The following CHRNG variants were observed in gnomAD, a reference collection of about 807,000 sequenced individuals.
CHRNG encodes the protein cholinergic receptor nicotinic gamma subunit, also known as acetylcholine receptor subunit gamma.
Under a neutral mutation model 65.2 loss-of-function variants are expected in CHRNG, and 72 were observed. The observed-to-expected ratio is 1.10, with a 90% confidence interval of 0.91 to 1.34. CHRNG has a LOEUF of 1.34. CHRNG is among the 40% of genes most tolerant of loss of function. The probability of loss-of-function intolerance (pLI) is 0.00; values close to 1 mark genes in which losing one functional copy is unlikely to be tolerated. For missense variants in CHRNG, 637 were observed against 680.1 expected, an observed-to-expected ratio of 0.94 and a Z score of 0.70; for synonymous variants, 284 against 290.2, an observed-to-expected ratio of 0.98 and a Z score of 0.22.
rs1692093364 is a variant in CHRNG, at chr2:232,544,794, G to A, written c.1272G>A (p.Leu424=). 1 of 1,614,052 alleles carries A rather than the reference G, an allele frequency of 6.2e-7. No homozygotes were observed. Among genetic ancestry groups the A allele is most frequent in the Non-Finnish European group, 8.5e-7 (1 of 1,180,016 alleles). Residue 424 remains leucine, a synonymous_variant, in exon 11 of 12, where the codon CTG becomes CTA. Transcript: ENST00000651502. ...CAGAGAAAGGCCCGGAGTTAGGGCT[G>A]AGCCAGTTCTGTGGCAGCCTGAAGC... ...EKLEKGPELG[L]SQFCGSLKQA...
At position 232,540,595 on chromosome 2, in the gene CHRNG, C is replaced by T. The variant is rs780671690; in HGVS notation, c.241-7C>T. On this transcript the variant is annotated splice_polypyrimidine_tract_variant and splice_region_variant and intron_variant, in intron 3 of 11. Coordinates refer to ENST00000651502, the MANE Select transcript of CHRNG (RefSeq NM_005199.5). This position sits in a 1 kb window ranked among gnomAD's most constrained non-coding sequence, Gnocchi z 4.2. Reference sequence around the variant, plus strand: ...CAGAGGCCTAGCAACTGCCCCTCCCCCTGCAGCAGTGGTGCGACTATCGCC... The same window carrying T: ...CAGAGGCCTAGCAACTGCCCCTCCCTCTGCAGCAGTGGTGCGACTATCGCC... 1 of 1,610,540 alleles carries T rather than the reference C, an allele frequency of 6.2e-7. No homozygotes were observed. The highest frequency in any genetic ancestry group is 2.2e-5 in the East Asian group (1 of 44,796).
rs141979512 is a variant in CHRNG at position 232,540,364 on chromosome 2, C to G, written c.196-17C>G. The G allele has an allele frequency of 1.4e-5, 23 of 1,613,930 alleles. No individual in the cohort carries two copies. Among genetic ancestry groups the G allele is most frequent in the Non-Finnish European group, 1.9e-5 (23 of 1,179,966 alleles). ...GTCGGGGGCTGAGCCCTCCATACTA[C>G]ACCCTTGCACCCCCAGAACGAGCGA... On this transcript the variant is annotated splice_polypyrimidine_tract_variant and intron_variant, in intron 2 of 11. Transcript: ENST00000651502. This position sits in a 1 kb window ranked among gnomAD's most constrained non-coding sequence, Gnocchi z 4.2.
At chr2:232,543,487 C>A (rs1185913697) in intron 8 of CHRNG, 98 bp downstream of exon 8, 1 of 1,182,138 alleles carries the variant, frequency 8.5e-7, no homozygotes, top group Non-Finnish European at 1.2e-6. Flanking sequence ...TCCACCCCCC[C>A]CATCCTCAAT....
Position 232,541,924 on chromosome 2 carries a change from G to A in CHRNG, c.506+395G>A, listed in dbSNP as rs541764047. On this transcript the variant is annotated intron_variant, in intron 5 of 11. Coordinates refer to ENST00000651502, the MANE Select transcript of CHRNG (RefSeq NM_005199.5). The surrounding 1 kb of genome is among the most constrained non-coding windows in gnomAD (Gnocchi z 4.0). ...GAGGGGCCCTGGCAGGGAATCCAGC[G>A]GAAGCATGTATGCAACCAAGCCACC... is the stretch of plus-strand genomic sequence containing the variant. The A allele has an allele frequency of 2.9e-5, 10 of 345,570 alleles. No individual in the cohort carries two copies. In the East Asian group the frequency reaches 3.5e-4, roughly 12 times the overall value. 21.4% of individuals were successfully genotyped at this position (345,570 alleles called of 1,614,324 possible). A position where few individuals can be genotyped will look rare whatever the true frequency, so the allele number is the denominator to read the frequency against.
At chr2:232,542,270 A>C (rs1174879540) in intron 5 of CHRNG, among the ~76,000 whole-genome samples, 153 bp from the exon 6 acceptor site, 1 of 152,074 alleles carries the variant, frequency 6.6e-6, no homozygotes. Flanking sequence ...TGCTCTCCAT[A>C]TCTCGCCAGT....
rs556428042 is a variant in CHRNG at position 232,541,723 on chromosome 2, G to A, written c.506+194G>A. On this transcript the variant is annotated intron_variant, in intron 5 of 11. Coordinates refer to ENST00000651502, the MANE Select transcript of CHRNG (RefSeq NM_005199.5). This position sits in a 1 kb window ranked among gnomAD's most constrained non-coding sequence, Gnocchi z 4.0. ...TGCCCAAGCTCTCCCTGCTAAGCCC[G>A]AGTCCCCTCACTCATCCTTTACTGC... is the stretch of plus-strand genomic sequence containing the variant. The A allele has an allele frequency of 5.1e-5, 33 of 650,026 alleles. No individual in the cohort carries two copies. The Admixed American group carries it at 5.7e-4, about 11-fold the overall frequency. The allele number at this position is 650,026 out of a possible 1,614,324, so 40.3% of individuals were successfully genotyped here. A position where few individuals can be genotyped will look rare whatever the true frequency, so the allele number is the denominator to read the frequency against.
In CHRNG at chr2:232,541,639, A is replaced by T; in HGVS notation, c.506+110A>T. On this transcript the variant is annotated intron_variant, in intron 5 of 11. Coordinates refer to ENST00000651502, the MANE Select transcript of CHRNG (RefSeq NM_005199.5). This position sits in a 1 kb window ranked among gnomAD's most constrained non-coding sequence, Gnocchi z 4.0. ...TGGCCTTGGCTCTGGCAGCACCTAG[A>T]GGCCTGGCTCCATCTCCCCTGGGCC... 1 of 1,355,330 alleles carries T rather than the reference A, an allele frequency of 7.4e-7. No homozygotes were observed. Among genetic ancestry groups the T allele is most frequent in the Non-Finnish European group, 1.0e-6 (1 of 959,646 alleles). The allele number at this position is 1,355,330 out of a possible 1,614,324, so 84.0% of individuals were successfully genotyped here.
In CHRNG at chr2:232,540,763, G is replaced by A; in HGVS notation, c.350+52G>A. ...TGGGGGACAAAGGACACAGGGTCTG[G>A]GCCCAGCAGAACAAGGCACTCTGGG... is the stretch of plus-strand genomic sequence containing the variant. On this transcript the variant is annotated intron_variant, in intron 4 of 11. Coordinates refer to ENST00000651502, the MANE Select transcript of CHRNG (RefSeq NM_005199.5). This position sits in a 1 kb window ranked among gnomAD's most constrained non-coding sequence, Gnocchi z 4.2. The A allele has an allele frequency of 2.0e-6, 3 of 1,507,098 alleles. No homozygotes were observed. The highest frequency in any genetic ancestry group is 2.7e-6 in the Non-Finnish European group (3 of 1,099,980). The allele number at this position is 1,507,098 out of a possible 1,614,324, so 93.4% of individuals were successfully genotyped here. A position where few individuals can be genotyped will look rare whatever the true frequency, so the allele number is the denominator to read the frequency against.
Position 232,546,682 on chromosome 2 carries a change from G to A in CHRNG, c.*966G>A, listed in dbSNP as rs1301474619. Among the ~76,000 whole-genome samples, 2 of 151,994 alleles carry A rather than the reference G, an allele frequency of 1.3e-5. No individual in the cohort carries two copies. Among genetic ancestry groups the A allele is most frequent in the Non-Finnish European group, 2.9e-5 (2 of 68,016 alleles). ...CTCACAGCAGTATGGATAAGCAAGAGTCATTATTCCCCATGTTATATAGGC... is the reference window on the plus strand; with the variant it reads ...CTCACAGCAGTATGGATAAGCAAGAATCATTATTCCCCATGTTATATAGGC... On this transcript the variant is annotated 3_prime_UTR_variant, in exon 12 of 12. Coordinates refer to ENST00000651502, the MANE Select transcript of CHRNG (RefSeq NM_005199.5).
chr2:232,539,982 T>C lies in CHRNG; in HGVS notation c.56-10T>C, dbSNP rs1314135941. 1 of 1,614,100 alleles carries C rather than the reference T, an allele frequency of 6.2e-7. No homozygotes were observed. Among genetic ancestry groups the C allele is most frequent in the Non-Finnish European group, 8.5e-7 (1 of 1,180,000 alleles). On this transcript the variant is annotated splice_polypyrimidine_tract_variant and intron_variant, in intron 1 of 11. Transcript: ENST00000651502. ...CAAGCTCCTGCTAGGCTCACGCCTG[T>C]CTATTGCAGGGGCCCAGGGCCGGAA...
rs562944344 is a variant in CHRNG, at chr2:232,540,899, G to C, written c.350+188G>C. Among the ~76,000 whole-genome samples the C allele has an allele frequency of 5.8e-4, 89 of 152,146 alleles. 1 individual carries two copies. Among genetic ancestry groups the C allele is most frequent in the African/African-American group, 2.0e-3 (83 of 41,508 alleles). On this transcript the variant is annotated intron_variant, in intron 4 of 11. Coordinates refer to ENST00000651502, the MANE Select transcript of CHRNG (RefSeq NM_005199.5). This position sits in a 1 kb window ranked among gnomAD's most constrained non-coding sequence, Gnocchi z 4.2. The stretch of plus-strand genomic sequence containing the variant: ...CCTGGGTATGCCCTCTGACCCCAGG[G>C]CCAGCAGAGCAGACCCTACGCCAGG...
rs1307823116 is a variant in CHRNG at position 232,540,334 on chromosome 2, C to T, written c.196-47C>T. ...CATTGGTGGCCTGTGGGGACTGGCA[C>T]TGAAGTCGGGGGCTGAGCCCTCCAT... On this transcript the variant is annotated intron_variant, in intron 2 of 11. Transcript: ENST00000651502. This position sits in a 1 kb window ranked among gnomAD's most constrained non-coding sequence, Gnocchi z 4.2. 15 of 1,613,342 alleles carry T rather than the reference C, an allele frequency of 9.3e-6. No individual in the cohort carries two copies. The highest frequency in any genetic ancestry group is 1.3e-5 in the Non-Finnish European group (15 of 1,179,462).
Position 232,545,585 on chromosome 2 carries a change from G to T in CHRNG, c.1423G>T (p.Val475Phe). 1 of 1,614,084 alleles carries T rather than the reference G, an allele frequency of 6.2e-7. No homozygotes were observed. ...WFLVGRVLDR[V>F]CFLAMLSLFI... is the part of the protein sequence containing the mutation. ...CCTGGTGGGCCGAGTGCTGGACCGC[G>T]TCTGCTTCCTGGCCATGCTCTCGCT... The change falls in exon 12 of 12, where the codon GTC becomes TTC. Residue 475 changes from valine to phenylalanine, a missense_variant. Physicochemically the swap from Val to Phe is conservative, Grantham distance 50. Transcript: ENST00000651502.
chr2:232,543,812 C>A (rs866314593), intron 9 of CHRNG, 113 bp downstream of exon 9: 3 of 728,424 alleles, frequency 4.1e-6, no homozygotes, highest in Admixed American at 4.0e-5. Flanking sequence ...CCATCCTGGG[C>A]GTATCTGGAC....
Position 232,545,923 on chromosome 2 carries a change from T to C in CHRNG, c.*207T>C, listed in dbSNP as rs147814126. The C allele has an allele frequency of 5.9e-4, 388 of 660,884 alleles. 3 individuals are homozygous for C. The highest frequency in any genetic ancestry group is 4.4e-3 in the Middle Eastern group (11 of 2,528). 40.9% of individuals were successfully genotyped at this position (660,884 alleles called of 1,614,324 possible). On this transcript the variant is annotated 3_prime_UTR_variant, in exon 12 of 12. Transcript: ENST00000651502. ...TGGGGGTGGGCCGTGGCTAGTGTCC[T>C]GCTGCAGTCAGCACACACGTGGGAT...
At position 232,540,058 on chromosome 2, in the gene CHRNG, T is replaced by G; in HGVS notation, c.122T>G (p.Leu41Arg). The stretch of plus-strand genomic sequence containing the variant: ...CTGATGCAAAACTACGACCCCAACC[T>G]GCGGCCCGCGGAACGAGACTCGGAT... ...ADLMQNYDPNLRPAERDSDVV... is the reference protein window; with the variant it reads ...ADLMQNYDPNRRPAERDSDVV... Residue 41 changes from leucine to arginine, a missense_variant, in exon 2 of 12, where the codon CTG becomes CGG. Coordinates refer to ENST00000651502, the MANE Select transcript of CHRNG (RefSeq NM_005199.5). The surrounding 1 kb of genome is among the most constrained non-coding windows in gnomAD (Gnocchi z 4.2). 1 of 1,614,168 alleles carries G rather than the reference T, an allele frequency of 6.2e-7. No homozygotes were observed. Among genetic ancestry groups the G allele is most frequent in the Non-Finnish European group, 8.5e-7 (1 of 1,180,012 alleles).
Position 232,545,019 on chromosome 2 carries a change from G to A in CHRNG, c.1380+117G>A, listed in dbSNP as rs117196251. 30,670 of 1,271,262 alleles carry A rather than the reference G, an allele frequency of 0.024. 667 individuals are homozygous for A. Among genetic ancestry groups the A allele is most frequent in the East Asian group, 0.11 (4,299 of 40,242 alleles). The allele number at this position is 1,271,262 out of a possible 1,614,324, so 78.7% of individuals were successfully genotyped here. A position where few individuals can be genotyped will look rare whatever the true frequency, so the allele number is the denominator to read the frequency against. On this transcript the variant is annotated intron_variant, in intron 11 of 11. Coordinates refer to ENST00000651502, the MANE Select transcript of CHRNG (RefSeq NM_005199.5). ...CAGTGGGATGGAAAAACATGAGGCC[G>A]GGTGCAGTGGGTCACACCTGTAATC...
rs1559306806 is a variant in CHRNG, at chr2:232,547,505, A to G, written c.*1789A>G. On this transcript the variant is annotated 3_prime_UTR_variant, in exon 12 of 12. Transcript: ENST00000651502. The stretch of plus-strand genomic sequence containing the variant: ...CGACAGGATATGCTGGCAGGAGGGG[A>G]CCTTGGAAATATGCCCTCCCTCCAA... Among the ~76,000 whole-genome samples the G allele has an allele frequency of 1.3e-5, 2 of 152,310 alleles. No homozygotes were observed. Among genetic ancestry groups the G allele is most frequent in the East Asian group, 3.9e-4 (2 of 5,180 alleles).
Position 232,540,741 on chromosome 2 carries a change from G to A in CHRNG, c.350+30G>A. On this transcript the variant is annotated intron_variant, in intron 4 of 11. Transcript: ENST00000651502. This position sits in a 1 kb window ranked among gnomAD's most constrained non-coding sequence, Gnocchi z 4.2. ...GGAGGGGGTGCAGGCAGGGGTGTGG[G>A]GGACAAAGGACACAGGGTCTGGGCC... 1.3e-6 allele frequency: 2 copies of A among 1,579,344 alleles called. No homozygotes were observed. Among genetic ancestry groups the A allele is most frequent in the Non-Finnish European group, 1.7e-6 (2 of 1,157,152 alleles).
Sources: gnomAD v4.1 joint callset for allele counts (sites outside exome capture counted in the v4.1 genomes callset) on GRCh38, gnomAD v4.1.1 for gene constraint, Gnocchi (gnomAD v3.1) non-coding constraint, MANE v1.5 for transcripts, NCBI Gene and HGNC (gene_info 2026-07-23, HGNC 2026-07-21) for gene names.